Variants in NTRK2 observed in about 807,000 individuals in gnomAD.
NTRK2 encodes the protein BDNF/NT-3 growth factors receptor.
A neutral mutation model predicts 94.5 loss-of-function variants in NTRK2; 13 were observed. That is an observed-to-expected ratio of 0.14 (90% CI 0.09 to 0.22). The LOEUF (loss-of-function observed/expected upper bound fraction) is 0.22. Among genes scored for constraint, NTRK2 ranks in the 10% least tolerant of loss-of-function variants. NTRK2 has a pLI of 1.00. For missense variants in NTRK2, 639 were observed against 1,071.2 expected (o/e 0.60, Z 5.63); for synonymous variants, 372 against 407.4 (o/e 0.91, Z 1.05).
intron 5 of NTRK2, among the ~76,000 whole-genome samples, chr9:84,708,527 A>G (rs2061244849): frequency 6.6e-6 from 1 of 152,224 alleles, no homozygotes; most frequent in Non-Finnish European, 1.5e-5. Context: ...AGGATTTCCA[A>G]GTGAGCTCCA....
At chr9:84,832,891 C>T (rs2073646416) in intron 12 of NTRK2, among the ~76,000 whole-genome samples, 1 of 152,046 alleles carries the variant, frequency 6.6e-6, no homozygotes, top group Non-Finnish European at 1.5e-5. Context: ...CTTATTTGGG[C>T]CATAGATAAT....
intron 14 of NTRK2, among the ~76,000 whole-genome samples, chr9:84,893,966 C>T (rs1278676243): frequency 6.6e-6 from 1 of 152,140 alleles, no homozygotes; most frequent in Non-Finnish European, 1.5e-5. Context: ...ATGGAATGTG[C>T]CCCACGAGGC....
chr9:84,813,550 A>G, intron 12 of NTRK2: 1 of 1,065,422 alleles, frequency 9.4e-7, no homozygotes, highest in Non-Finnish European at 1.1e-6. Context: ...AAGCTAAGAA[A>G]CTGAGTTTAA....
rs78075163 is a variant in NTRK2, at chr9:84,894,109, T to G, written c.1633+26678T>G. On this transcript the variant is annotated intron_variant, in intron 14 of 18. Coordinates refer to ENST00000277120, the MANE Select transcript of NTRK2 (RefSeq NM_006180.6). ...AAAAGTCTAACAGGTGCCTGGCAAT[T>G]GCATGCACTGGTGAGACCCACACTT... is the stretch of plus-strand genomic sequence containing the variant. 2.1e-3 allele frequency among the ~76,000 whole-genome samples: 210 copies of G among 98,274 alleles called. 2 individuals are homozygous for G. The East Asian group carries it at 0.048, about 22-fold the overall frequency. The allele number at this position is 98,274 out of a possible 152,430, so 64.5% of individuals were successfully genotyped here. A position where few individuals can be genotyped will look rare whatever the true frequency, so the allele number is the denominator to read the frequency against.
At chr9:84,963,437 A>G (rs1298968286) in intron 17 of NTRK2, among the ~76,000 whole-genome samples, 1 of 152,254 alleles carries the variant, frequency 6.6e-6, no homozygotes, top group African/African-American at 2.4e-5. Flanking sequence ...CCTGCCTTTA[A>G]AAGTTGAGAA....
At chr9:84,934,045 T>C (rs970006077) in intron 14 of NTRK2, 117 bp from the exon 15 acceptor site, 68 of 1,127,240 alleles carry the variant, frequency 6.0e-5, no homozygotes, top group Admixed American at 1.8e-4. Flanking sequence ...CGGTTCACTG[T>C]GCACAGAGGA....
intron 14 of NTRK2, chr9:84,872,952 T>C: frequency 1.9e-6 from 2 of 1,064,996 alleles, no homozygotes; most frequent in Non-Finnish European, 2.3e-6. Flanking sequence ...CTGGAGGTGA[T>C]ATTTTTCACA....
At chr9:84,989,562 T>C (rs556927034) in intron 17 of NTRK2, among the ~76,000 whole-genome samples, 4 of 152,198 alleles carry the variant, frequency 2.6e-5, no homozygotes, top group Non-Finnish European at 5.9e-5. Flanking sequence ...AAAACTGCAA[T>C]TGATCCCACT....
At chr9:84,990,112 T>C (rs1343303393) in intron 17 of NTRK2, among the ~76,000 whole-genome samples, 2 of 152,064 alleles carry the variant, frequency 1.3e-5, no homozygotes, top group East Asian at 3.8e-4. Flanking sequence ...CTTTGGAAAC[T>C]GGAAGGAGCC....
chr9:84,877,374 A>C (rs1587794663), intron 14 of NTRK2: 1 of 1,066,162 alleles, frequency 9.4e-7, no homozygotes, highest in East Asian at 5.0e-5. Context: ...GGATTAGTTC[A>C]TATGGTCCCC....
intron 12 of NTRK2, among the ~76,000 whole-genome samples, 170 bp from the exon 13 acceptor site, chr9:84,860,870 A>C (rs997187839): frequency 1.3e-5 from 2 of 151,648 alleles, no homozygotes; most frequent in Non-Finnish European, 2.9e-5. Flanking sequence ...TTTGATAGGA[A>C]GCTTTCATCC....
intron 2 of NTRK2, among the ~76,000 whole-genome samples, chr9:84,684,762 T>C (rs1269799035): frequency 6.6e-6 from 1 of 152,228 alleles, no homozygotes; most frequent in Non-Finnish European, 1.5e-5. Flanking sequence ...AGATTGAAAG[T>C]CTTTTCGTAT....
intron 14 of NTRK2, among the ~76,000 whole-genome samples, chr9:84,914,208 G>A (rs80322079): frequency 0.011 from 1,641 of 151,556 alleles, 35 homozygotes; most frequent in African/African-American, 0.037. Flanking sequence ...TTTCTTTCCC[G>A]GCACTTACTA....
In NTRK2 at chr9:84,778,391, G is replaced by C. The variant is rs371445371; in HGVS notation, c.1396+26306G>C. 4.6e-5 allele frequency among the ~76,000 whole-genome samples: 7 copies of C among 152,238 alleles called. No homozygotes were observed. In the South Asian group the frequency reaches 1.0e-3, roughly 22 times the overall value. Reference sequence around the variant, plus strand: ...ATGGAAGGGCCTGTAGGTGCAGTCTGATTGTCACTGATATTTTTAGAGAAG... The same window carrying C: ...ATGGAAGGGCCTGTAGGTGCAGTCTCATTGTCACTGATATTTTTAGAGAAG... On this transcript the variant is annotated intron_variant, in intron 12 of 18. Coordinates refer to ENST00000277120, the MANE Select transcript of NTRK2 (RefSeq NM_006180.6).
chr9:84,740,267 T>G (rs2063546129), intron 9 of NTRK2, among the ~76,000 whole-genome samples: 1 of 152,332 alleles, frequency 6.6e-6, no homozygotes, highest in African/African-American at 2.4e-5. Context: ...TTGCTGCTGC[T>G]TTATTCATTG....
rs1384427212 is a variant in NTRK2 at position 85,026,931 on chromosome 9, A to G, written c.*5494A>G. The G allele has an allele frequency of 5.9e-6, 1 of 170,132 alleles. No individual in the cohort carries two copies. Among genetic ancestry groups the G allele is most frequent in the African/African-American group, 2.5e-5 (1 of 40,010 alleles). 10.5% of individuals were successfully genotyped at this position (170,132 alleles called of 1,614,324 possible). A position where few individuals can be genotyped will look rare whatever the true frequency, so the allele number is the denominator to read the frequency against. On this transcript the variant is annotated 3_prime_UTR_variant, in exon 19 of 19. Coordinates refer to ENST00000277120, the MANE Select transcript of NTRK2 (RefSeq NM_006180.6). ...AAAGTGACACCTGAATACAGTGTTTAAAAAAAAAAAAGTTTTGTTTGTAAA... is the reference window on the plus strand; with the variant it reads ...AAAGTGACACCTGAATACAGTGTTTGAAAAAAAAAAAGTTTTGTTTGTAAA...
chr9:84,836,257 A>C (rs1317795220), intron 12 of NTRK2, among the ~76,000 whole-genome samples: 1 of 152,178 alleles, frequency 6.6e-6, no homozygotes, highest in Non-Finnish European at 1.5e-5. Flanking sequence ...GGTTTAGAGA[A>C]ATGCAAGAAG....
chr9:84,740,355 A>T (rs1255184521), intron 9 of NTRK2, among the ~76,000 whole-genome samples: 1 of 152,372 alleles, frequency 6.6e-6, no homozygotes, highest in East Asian at 1.9e-4. Context: ...CCCTGACAAG[A>T]CATATTCACA....
At chr9:84,889,676 G>C (rs1297117826) in intron 14 of NTRK2, among the ~76,000 whole-genome samples, 1 of 152,204 alleles carries the variant, frequency 6.6e-6, no homozygotes, top group African/African-American at 2.4e-5. Flanking sequence ...GCCTCCCAAA[G>C]TGCTAGGATT....
Sources: gnomAD v4.1 joint callset for allele counts (sites outside exome capture counted in the v4.1 genomes callset) on GRCh38, gnomAD v4.1.1 for gene constraint, MANE v1.5 for transcripts, NCBI Gene and HGNC (gene_info 2026-07-23, HGNC 2026-07-21) for gene names.